VCF1: variants seen among roughly 807,000 people sequenced by gnomAD.
VCF1 encodes the protein protein VCF1.
chr17:73,209,626 T>TGCTCGG, the VCF1 span: 4 of 1,566,568 alleles, frequency 2.6e-6, no homozygotes, highest in Non-Finnish European at 3.5e-6. Flanking sequence ...CAGCGCGGAC[T>TGCTCGG]GCTCGGGCAC....
the VCF1 span, chr17:73,207,665 G>A: frequency 7.7e-7 from 1 of 1,295,388 alleles, no homozygotes; most frequent in Non-Finnish European, 1.0e-6. Context: ...TTCCCCAAAA[G>A]TTTGACATTT....
the VCF1 span, among the ~76,000 whole-genome samples, chr17:73,221,458 C>G: frequency 6.8e-6 from 1 of 147,272 alleles, no homozygotes; most frequent in African/African-American, 2.7e-5. Flanking sequence ...AGTTTTTACC[C>G]ATCCAAATAG....
the VCF1 span, among the ~76,000 whole-genome samples, chr17:73,231,122 C>T: frequency 2.0e-5 from 3 of 152,244 alleles, no homozygotes; most frequent in South Asian, 4.1e-4. Context: ...TGCTACATGA[C>T]CCAAATCAAT....
chr17:73,229,476 C>A, the VCF1 span: 12 of 985,310 alleles, frequency 1.2e-5, no homozygotes, highest in Admixed American at 6.1e-5. Context: ...CAGTTAGCAT[C>A]TGTTACTTCT....
chr17:73,211,567 C>CA, the VCF1 span, among the ~76,000 whole-genome samples: 828 of 132,080 alleles, frequency 6.3e-3, 14 homozygotes, highest in African/African-American at 0.018. Flanking sequence ...GACTTCATCT[C>CA]AAAAAAAAAA....
chr17:73,215,853 C>A, the VCF1 span, among the ~76,000 whole-genome samples: 8 of 152,082 alleles, frequency 5.3e-5, no homozygotes, highest in African/African-American at 1.7e-4. Flanking sequence ...AGGAGAGGAT[C>A]CTTAACATGA....
chr17:73,221,689 G>C, the VCF1 span, among the ~76,000 whole-genome samples: 145 of 152,204 alleles, frequency 9.5e-4, no homozygotes, highest in Middle Eastern at 0.017. Context: ...AGGAGTTCAA[G>C]ATCAGCCTGG....
At chr17:73,212,915 T>C in the VCF1 span, among the ~76,000 whole-genome samples, 1 of 152,186 alleles carries the variant, frequency 6.6e-6, no homozygotes, top group Non-Finnish European at 1.5e-5. Context: ...TTTTTTATTT[T>C]TTTTAGGGTT....
At chr17:73,220,279 A>C in the VCF1 span, among the ~76,000 whole-genome samples, 8 of 152,186 alleles carry the variant, frequency 5.3e-5, no homozygotes, top group African/African-American at 1.9e-4. Context: ...GAATTTATAG[A>C]CTCCTAACTT....
the VCF1 span, chr17:73,207,399 A>T: frequency 1.2e-6 from 1 of 830,724 alleles, no homozygotes; most frequent in Non-Finnish European, 2.0e-6. Context: ...GGCGCAATAG[A>T]GAAGTACAAG....
chr17:73,231,630 TC>T, the VCF1 span, among the ~76,000 whole-genome samples: 1 of 152,178 alleles, frequency 6.6e-6, no homozygotes. Flanking sequence ...ACCGAATCTT[TC>T]CCTGCTGCGG....
the VCF1 span, among the ~76,000 whole-genome samples, chr17:73,230,185 A>G: frequency 1.3e-5 from 2 of 151,880 alleles, no homozygotes; most frequent in Non-Finnish European, 2.9e-5. Context: ...TGCTCCAGCT[A>G]CTCAGGAGGC....
At chr17:73,220,451 G>A in the VCF1 span, among the ~76,000 whole-genome samples, 3 of 151,592 alleles carry the variant, frequency 2.0e-5, no homozygotes, top group Non-Finnish European at 4.4e-5. Context: ...TCTTTTTTTT[G>A]TTTTTTATTT....
chr17:73,216,034 A>G, the VCF1 span, among the ~76,000 whole-genome samples: 5 of 152,202 alleles, frequency 3.3e-5, no homozygotes. Flanking sequence ...ATCAAGAGCC[A>G]TGAGGGCTGC....
chr17:73,229,867 CAAAAAAAAAAAAAAAA>C, the VCF1 span, among the ~76,000 whole-genome samples: 1 of 22,622 alleles, frequency 4.4e-5, no homozygotes, highest in African/African-American at 1.5e-4. Flanking sequence ...GACTCCATCT[CAAAAAAAAAAAAAAAA>C]AAAAAAAAAA....
chr17:73,210,637 C>T, the VCF1 span, among the ~76,000 whole-genome samples: 5 of 152,050 alleles, frequency 3.3e-5, no homozygotes, highest in Admixed American at 1.3e-4. Context: ...CACTCTGTTA[C>T]GCAGGCTCGA....
At chr17:73,208,614 C>T in the VCF1 span, 5 of 878,862 alleles carry the variant, frequency 5.7e-6, no homozygotes, top group East Asian at 1.2e-4. Context: ...TCAAGTTAAT[C>T]CTTGTCCCAA....
At chr17:73,227,044 A>G in the VCF1 span, 1 of 739,012 alleles carries the variant, frequency 1.4e-6, no homozygotes, top group Non-Finnish European at 2.1e-6. Context: ...GAAAGGTTAA[A>G]CCAGTATAAT....
chr17:73,216,861 G>C, the VCF1 span, among the ~76,000 whole-genome samples: 1 of 152,144 alleles, frequency 6.6e-6, no homozygotes, highest in Non-Finnish European at 1.5e-5. Flanking sequence ...GTCAGTTTAA[G>C]AGACAACTCA....
Sources: allele counts gnomAD v4.1 joint callset (sites outside exome capture counted in the v4.1 genomes callset), GRCh38; gene constraint gnomAD v4.1.1; transcripts MANE v1.5; gene names NCBI Gene and HGNC (gene_info 2026-07-23, HGNC 2026-07-21).